GOLGA4: variants seen among roughly 807,000 people sequenced by gnomAD.
GOLGA4 encodes golgin A4, also known as golgin subfamily A member 4.
Under a neutral mutation model 265.9 loss-of-function variants are expected in GOLGA4, and 169 were observed. The ratio of observed to expected loss-of-function variants is 0.64; its 90% CI spans 0.56 to 0.72. The LOEUF (loss-of-function observed/expected upper bound fraction) is 0.72, where lower values mean the gene tolerates loss of function less well. Ranked by LOEUF, GOLGA4 falls within the 30% of genes least tolerant of loss-of-function variation. The probability of loss-of-function intolerance (pLI) is 0.00; values close to 1 mark genes in which losing one functional copy is unlikely to be tolerated. For synonymous variants in GOLGA4, 923 were observed against 855.8 expected (o/e 1.08, Z -1.37); for missense variants, 2,482 against 2,483.4 (o/e 1.00, Z 0.01).
At chr3:37,280,977 C>G (rs2096833186) in intron 2 of GOLGA4, among the ~76,000 whole-genome samples, 1 of 152,068 alleles carries the variant, frequency 6.6e-6, no homozygotes, top group African/African-American at 2.4e-5. Context: ...TTTTTATTTT[C>G]CTGTATTTTT....
rs549732228 is a variant in GOLGA4, at chr3:37,279,864, G to A, written c.163-2094G>A. On this transcript the variant is annotated intron_variant, in intron 2 of 23. Transcript: ENST00000361924. ...GGAGGTTGCAGTGAGCTGAGATCAC[G>A]CCACTGCACTGCAGCCTGGGCAACA... 2.6e-5 allele frequency among the ~76,000 whole-genome samples: 4 copies of A among 151,206 alleles called. No homozygotes were observed. The East Asian group carries it at 7.8e-4, about 29-fold the overall frequency.
At chr3:37,276,393 AAG>A (rs2096818787) in intron 2 of GOLGA4, 1 of 1,607,746 alleles carries the variant, frequency 6.2e-7, no homozygotes, top group Non-Finnish European at 8.5e-7. Flanking sequence ...GATGAGCTGA[AAG>A]AGATGTGGAA....
chr3:37,253,565 G>T lies in GOLGA4; in HGVS notation c.162+2081G>T, dbSNP rs534011171. Among the ~76,000 whole-genome samples the T allele has an allele frequency of 1.7e-3, 253 of 152,130 alleles. 4 individuals carry two copies. The highest frequency in any genetic ancestry group is 5.5e-3 in the African/African-American group (230 of 41,480). Reference sequence around the variant, plus strand: ...CCGAAACCATCTCTTAGCTAGGATTGTTAATATTAAAATTTAGAAAGAAAT... The same window carrying T: ...CCGAAACCATCTCTTAGCTAGGATTTTTAATATTAAAATTTAGAAAGAAAT... On this transcript the variant is annotated intron_variant, in intron 2 of 23. Coordinates refer to ENST00000361924, the MANE Select transcript of GOLGA4 (RefSeq NM_002078.5).
intron 18 of GOLGA4, 74 bp from the exon 19 acceptor site, chr3:37,337,592 C>G (rs572326419): frequency 5.9e-4 from 567 of 958,304 alleles, no homozygotes; most frequent in South Asian, 1.5e-3. Flanking sequence ...CAAAAATTTC[C>G]AAGCAGTGCA....
intron 3 of GOLGA4, among the ~76,000 whole-genome samples, chr3:37,282,761 C>T (rs1032106489): frequency 1.3e-5 from 2 of 152,138 alleles, no homozygotes; most frequent in African/African-American, 4.8e-5. Context: ...TAAACCTTTG[C>T]CTTGGATGAA....
intron 23 of GOLGA4, among the ~76,000 whole-genome samples, chr3:37,362,804 A>T (rs1337528067): frequency 2.1e-5 from 1 of 48,204 alleles, no homozygotes; most frequent in Non-Finnish European, 4.7e-5. Context: ...TTTTTTTGAG[A>T]CGGAGTCTCG....
chr3:37,295,613 G>A (rs899133869), intron 6 of GOLGA4, among the ~76,000 whole-genome samples: 3 of 152,198 alleles, frequency 2.0e-5, no homozygotes, highest in Non-Finnish European at 1.5e-5. Context: ...TGTATTGGGA[G>A]TAAACTTTTT....
At chr3:37,322,923 A>G (rs2096959045) in intron 13 of GOLGA4, among the ~76,000 whole-genome samples, 1 of 152,054 alleles carries the variant, frequency 6.6e-6, no homozygotes, top group Non-Finnish European at 1.5e-5. Context: ...AATACTATGT[A>G]GGCCTTAAAA....
chr3:37,322,890 T>C (rs978154916), intron 13 of GOLGA4, among the ~76,000 whole-genome samples: 1 of 152,086 alleles, frequency 6.6e-6, no homozygotes, highest in African/African-American at 2.4e-5. Flanking sequence ...ATTCTTTTTC[T>C]TCTAAAATTA....
Position 37,325,347 on chromosome 3 carries a change from A to G in GOLGA4, c.3461A>G (p.Gln1154Arg). Residue 1154 changes from glutamine (Q) to arginine (R), a missense_variant, in exon 14 of 24, where the codon CAA becomes CGA. This residue lies in a region of GOLGA4 where 1,536 missense variants were observed against 1,483.7 expected (regional missense o/e 1.04). Coordinates refer to ENST00000361924, the MANE Select transcript of GOLGA4 (RefSeq NM_002078.5). ...NKSLKENTFL[Q>R]EQLVELKMLA... The stretch of plus-strand genomic sequence containing the variant: ...TCTCTGAAGGAAAATACTTTTCTTC[A>G]AGAGCAGCTAGTTGAACTGAAGATG... 2.5e-6 allele frequency: 4 copies of G among 1,613,578 alleles called. No individual in the cohort carries two copies. Among genetic ancestry groups the G allele is most frequent in the Non-Finnish European group, 3.4e-6 (4 of 1,179,608 alleles).
intron 2 of GOLGA4, among the ~76,000 whole-genome samples, chr3:37,266,334 G>A (rs2096783636): frequency 6.6e-6 from 1 of 151,986 alleles, no homozygotes; most frequent in South Asian, 2.1e-4. Flanking sequence ...TGAGTGGCTG[G>A]GACTACAGGT....
intron 20 of GOLGA4, among the ~76,000 whole-genome samples, chr3:37,344,565 T>C (rs149210455): frequency 0.011 from 1,595 of 146,982 alleles, 25 homozygotes; most frequent in African/African-American, 0.038. Flanking sequence ...ACTCCTGGCC[T>C]CAAGTGATCC....
intron 23 of GOLGA4, 46 bp from the exon 24 acceptor site, chr3:37,366,033 AT>A: frequency 3.4e-6 from 5 of 1,488,218 alleles, no homozygotes; most frequent in African/African-American, 2.8e-5. Context: ...AATGTTTTGG[AT>A]TTTTTTGCCC....
chr3:37,287,310 C>T (rs1243192895), intron 4 of GOLGA4, among the ~76,000 whole-genome samples: 2 of 152,212 alleles, frequency 1.3e-5, no homozygotes, highest in African/African-American at 4.8e-5. Context: ...CATTGCACTC[C>T]AGCCTGGGTG....
intron 19 of GOLGA4, among the ~76,000 whole-genome samples, chr3:37,339,813 C>T (rs2097026824): frequency 6.6e-6 from 1 of 152,114 alleles, no homozygotes; most frequent in South Asian, 2.1e-4. Flanking sequence ...ATATTTTCTC[C>T]CATTCTGTAG....
At chr3:37,332,574 A>G (rs2096994392) in intron 16 of GOLGA4, among the ~76,000 whole-genome samples, 1 of 152,170 alleles carries the variant, frequency 6.6e-6, no homozygotes, top group African/African-American at 2.4e-5. Flanking sequence ...AAAATTTTGA[A>G]TCAAATGTAT....
chr3:37,316,486 T>C (rs755652870), intron 11 of GOLGA4, among the ~76,000 whole-genome samples: 6 of 152,184 alleles, frequency 3.9e-5, no homozygotes, highest in Non-Finnish European at 8.8e-5. Context: ...TTCTTCCTGC[T>C]GAACTATAGG....
chr3:37,274,631 T>A (rs1578445290), intron 2 of GOLGA4, among the ~76,000 whole-genome samples: 1 of 151,882 alleles, frequency 6.6e-6, no homozygotes, highest in African/African-American at 2.4e-5. Flanking sequence ...GAGTGGAGGC[T>A]GCAGTGAGCT....
At position 37,328,536 on chromosome 3, in the gene GOLGA4, C is replaced by T; in HGVS notation, c.6060C>T (p.Ile2020=). The change falls in exon 15 of 24, where the codon ATC becomes ATT. Residue 2020 remains isoleucine (I), a splice_region_variant and synonymous_variant. Coordinates refer to ENST00000361924, the MANE Select transcript of GOLGA4 (RefSeq NM_002078.5). ...TGGAAATGACCATAAAAGAAACTAT[C>T]AGTAAGTAAAATTAAGTTCCATAAG... The part of the protein sequence containing the change: ...QELEMTIKET[I]NKAQEVEAEL... 1 of 1,608,644 alleles carries T rather than the reference C, an allele frequency of 6.2e-7. No individual in the cohort carries two copies.
Sources: allele counts gnomAD v4.1 joint callset (sites outside exome capture counted in the v4.1 genomes callset), GRCh38; gene constraint gnomAD v4.1.1; regional missense constraint gnomAD v4.1.1; transcripts MANE v1.5; gene names NCBI Gene and HGNC (gene_info 2026-07-23, HGNC 2026-07-21).